SFMBT1: variants seen among roughly 807,000 people sequenced by gnomAD.
SFMBT1 encodes the protein Scm like with four mbt domains 1.
In SFMBT1, 32 loss-of-function variants were observed where a neutral mutation model predicts 108.7. The ratio of observed to expected loss-of-function variants is 0.29; its 90% CI spans 0.22 to 0.40. The LOEUF (loss-of-function observed/expected upper bound fraction) is 0.40, where lower values mean the gene tolerates loss of function less well. SFMBT1 is among the 10% of genes least tolerant of loss of function. The probability of loss-of-function intolerance (pLI) is 1.00; values close to 1 mark genes in which losing one functional copy is unlikely to be tolerated. For missense variants in SFMBT1, 816 were observed against 1,059.6 expected, an observed-to-expected ratio of 0.77 and a Z score of 3.19; for synonymous variants, 348 against 369.5, an observed-to-expected ratio of 0.94 and a Z score of 0.67.
chr3:52,908,682 C>A (rs923253313), intron 17 of SFMBT1, among the ~76,000 whole-genome samples: 3 of 152,158 alleles, frequency 2.0e-5, no homozygotes, highest in Non-Finnish European at 2.9e-5. Flanking sequence ...GATTCTCCTG[C>A]CTCAGCCTCC....
chr3:53,028,977 CCTGA>C (rs991729952), intron 1 of SFMBT1, among the ~76,000 whole-genome samples: 3 of 151,958 alleles, frequency 2.0e-5, no homozygotes, highest in Non-Finnish European at 4.4e-5. Flanking sequence ...TTGAGAAGAT[CCTGA>C]CTAACACGGT....
intron 17 of SFMBT1, among the ~76,000 whole-genome samples, chr3:52,910,494 CT>C (rs113667520): frequency 2.0e-5 from 3 of 151,042 alleles, no homozygotes; most frequent in Non-Finnish European, 4.4e-5. Context: ...TTAAAGGGTT[CT>C]TTTTTTTTGG....
chr3:52,926,289 T>C (rs965671260), intron 9 of SFMBT1, among the ~76,000 whole-genome samples, 176 bp from the exon 10 acceptor site: 4 of 152,248 alleles, frequency 2.6e-5, no homozygotes, highest in Admixed American at 6.5e-5. Context: ...TTTTATAAAA[T>C]AGAGCAACTC....
At chr3:52,951,564 T>C (rs1449928776) in intron 3 of SFMBT1, among the ~76,000 whole-genome samples, 1 of 77,538 alleles carries the variant, frequency 1.3e-5, no homozygotes. Flanking sequence ...TTACAGGTGC[T>C]TGCTACGACT....
chr3:52,977,382 G>A (rs950593326), intron 1 of SFMBT1, among the ~76,000 whole-genome samples: 16 of 151,976 alleles, frequency 1.1e-4, no homozygotes, highest in African/African-American at 3.9e-4. Flanking sequence ...CTAGTGGCGG[G>A]CGCCTGTAAT....
intron 4 of SFMBT1, among the ~76,000 whole-genome samples, chr3:52,935,288 C>T (rs532143251): frequency 6.6e-6 from 1 of 152,312 alleles, no homozygotes; most frequent in East Asian, 1.9e-4. Flanking sequence ...TTCATCTAAA[C>T]CAGGATTTAC....
intron 4 of SFMBT1, among the ~76,000 whole-genome samples, chr3:52,936,302 G>A (rs913120578): frequency 6.6e-6 from 1 of 152,152 alleles, no homozygotes; most frequent in Middle Eastern, 3.2e-3. Context: ...TTCATAGAAA[G>A]AAGGCTTTCT....
intron 1 of SFMBT1, among the ~76,000 whole-genome samples, chr3:53,008,308 C>G (rs572666857): frequency 1.3e-5 from 2 of 152,156 alleles, no homozygotes. Flanking sequence ...ACAACTCCAA[C>G]GGTTCTGGAG....
chr3:52,972,841 A>AACAC (rs55688451), intron 1 of SFMBT1, among the ~76,000 whole-genome samples: 11,157 of 118,820 alleles, frequency 0.094, 834 homozygotes, highest in South Asian at 0.2. Context: ...ATCTCTACTA[A>AACAC]ACACACACAC....
chr3:52,911,158 C>A lies in SFMBT1; in HGVS notation c.1751G>T (p.Arg584Leu). The part of the protein sequence containing the change: ...LKAKYKGKSY[R>L]ATVEIVKTAD... ...TGTTTTCACTATCTCAACAGTAGCC[C>A]GATAACTCTTTCCTTTATATCTGCC... is the stretch of plus-strand genomic sequence containing the variant. The change falls in exon 17 of 21, where the codon CGG (arginine) becomes CTG (leucine). Residue 584 changes from arginine to leucine, a missense_variant. Physicochemically the swap from Arg to Leu is moderately radical, Grantham distance 102 (BLOSUM62 -2). Coordinates refer to ENST00000394752, the MANE Select transcript of SFMBT1 (RefSeq NM_016329.4). 1 of 1,610,504 alleles carries A rather than the reference C, an allele frequency of 6.2e-7. No individual in the cohort carries two copies. Among genetic ancestry groups the A allele is most frequent in the South Asian group, 1.1e-5 (1 of 90,322 alleles).
chr3:52,999,207 G>A (rs555614862), intron 1 of SFMBT1, among the ~76,000 whole-genome samples: 3 of 150,942 alleles, frequency 2.0e-5, no homozygotes, highest in South Asian at 2.1e-4. Context: ...AGGACCTCAC[G>A]ACTGGCTGCT....
rs1416362651 is a variant in SFMBT1 at position 52,966,519 on chromosome 3, G to A, written c.28+2582C>T. ...GGGCGCCTGTAGTCCCAGATACTTG[G>A]GAGGCTGAGGCAGGAGAATGGTGTG... On this transcript the variant is annotated intron_variant, in intron 2 of 20. Transcript: ENST00000394752. Among the ~76,000 whole-genome samples the A allele has an allele frequency of 3.3e-5, 5 of 149,942 alleles. No homozygotes were observed. The East Asian group carries it at 9.8e-4, about 29-fold the overall frequency.
chr3:52,928,060 C>G, intron 9 of SFMBT1, 131 bp downstream of exon 9: 2 of 1,161,372 alleles, frequency 1.7e-6, no homozygotes, highest in Non-Finnish European at 2.4e-6. Flanking sequence ...ATACTTTTCT[C>G]AGACCCCAAA....
At chr3:53,004,493 G>C (rs999913388) in intron 1 of SFMBT1, among the ~76,000 whole-genome samples, 2 of 149,854 alleles carry the variant, frequency 1.3e-5, no homozygotes, top group Non-Finnish European at 3.0e-5. Context: ...GGATGGTCTT[G>C]ATTCTCTTGA....
intron 2 of SFMBT1, among the ~76,000 whole-genome samples, chr3:52,958,366 G>A (rs1413755565): frequency 6.6e-5 from 10 of 152,282 alleles, no homozygotes; most frequent in Admixed American, 2.0e-4. Context: ...CGCGGCAGGC[G>A]GACCACTTGA....
chr3:52,974,360 C>A (rs1011709292), intron 1 of SFMBT1, among the ~76,000 whole-genome samples: 8 of 152,104 alleles, frequency 5.3e-5, no homozygotes, highest in African/African-American at 1.9e-4. Flanking sequence ...TAACTCTGAC[C>A]CTGACAGTGC....
intron 2 of SFMBT1, among the ~76,000 whole-genome samples, chr3:52,966,749 A>T (rs1575408406): frequency 6.6e-6 from 1 of 151,802 alleles, no homozygotes; most frequent in Non-Finnish European, 1.5e-5. Flanking sequence ...AAATACTGAA[A>T]AATATAATAA....
intron 1 of SFMBT1, among the ~76,000 whole-genome samples, chr3:52,977,292 C>T (rs1287358302): frequency 2.0e-5 from 3 of 152,038 alleles, no homozygotes; most frequent in African/African-American, 4.8e-5. Context: ...AGGTGGATCA[C>T]GAGGTCAGGA....
intron 15 of SFMBT1, among the ~76,000 whole-genome samples, chr3:52,913,277 G>A (rs1378372492): frequency 7.3e-6 from 1 of 137,102 alleles, no homozygotes; most frequent in Non-Finnish European, 1.6e-5. Context: ...AACCTGCTGT[G>A]TGAAGAGTTG....
Sources: gnomAD v4.1 joint callset for allele counts (sites outside exome capture counted in the v4.1 genomes callset) on GRCh38, gnomAD v4.1.1 for gene constraint, MANE v1.5 for transcripts, NCBI Gene and HGNC (gene_info 2026-07-23, HGNC 2026-07-21) for gene names.